MYO6: variants seen among roughly 807,000 people sequenced by gnomAD.
MYO6 encodes unconventional myosin-VI.
Under a neutral mutation model 178.7 loss-of-function variants are expected in MYO6, and 74 were observed. The observed-to-expected ratio is 0.41, with a 90% CI of 0.34 to 0.50. MYO6 has a LOEUF of 0.50. Among genes scored for constraint, MYO6 ranks in the 20% least tolerant of loss-of-function variants. The pLI is 0.09. For missense variants in MYO6, 1,330 were observed against 1,547.4 expected (o/e 0.86, Z 2.36); for synonymous variants, 477 against 504.6 (o/e 0.95, Z 0.73).
intron 1 of MYO6, among the ~76,000 whole-genome samples, chr6:75,771,297 C>T (rs1454468603): frequency 6.6e-6 from 1 of 152,188 alleles, no homozygotes; most frequent in African/African-American, 2.4e-5. Context: ...CCACTGCATC[C>T]AGCCCAGAAA....
At chr6:75,782,823 A>G (rs1767120333) in intron 1 of MYO6, among the ~76,000 whole-genome samples, 1 of 151,476 alleles carries the variant, frequency 6.6e-6, no homozygotes, top group Admixed American at 6.6e-5. Context: ...TTGTGGATGG[A>G]CCTCTCTGAA....
chr6:75,845,464 G>A (rs549990309), intron 10 of MYO6, among the ~76,000 whole-genome samples: 38 of 151,132 alleles, frequency 2.5e-4, no homozygotes, highest in Middle Eastern at 3.5e-3. Context: ...AGGCCAAGGC[G>A]GGAGGATCGT....
chr6:75,892,877 TTCA>T (rs1164844680), intron 28 of MYO6, among the ~76,000 whole-genome samples, 187 bp downstream of exon 28: 1 of 152,194 alleles, frequency 6.6e-6, no homozygotes, highest in African/African-American at 2.4e-5. Flanking sequence ...TAATTGATTT[TTCA>T]TCATATTATT....
chr6:75,761,254 T>C (rs1451863247), intron 1 of MYO6, among the ~76,000 whole-genome samples: 1 of 152,156 alleles, frequency 6.6e-6, no homozygotes, highest in Non-Finnish European at 1.5e-5. Context: ...AAACTAGTCA[T>C]CATGTATTCA....
intron 20 of MYO6, among the ~76,000 whole-genome samples, chr6:75,875,379 A>C (rs1777494297): frequency 1.3e-5 from 2 of 152,022 alleles, no homozygotes; most frequent in African/African-American, 4.8e-5. Flanking sequence ...GGCTCAAGTG[A>C]TCCTTCTGCT....
chr6:75,850,129 C>T (rs1775123722), intron 11 of MYO6, among the ~76,000 whole-genome samples: 1 of 152,004 alleles, frequency 6.6e-6, no homozygotes. Flanking sequence ...ATTATTCATC[C>T]AGGACCAAAG....
At chr6:75,790,860 G>A (rs565985690) in intron 1 of MYO6, among the ~76,000 whole-genome samples, 1 of 152,272 alleles carries the variant, frequency 6.6e-6, no homozygotes, top group South Asian at 2.1e-4. Flanking sequence ...ATGAAGAACA[G>A]ATGTAATTAT....
intron 1 of MYO6, among the ~76,000 whole-genome samples, chr6:75,802,986 A>G (rs1004434800): frequency 6.6e-6 from 1 of 152,222 alleles, no homozygotes; most frequent in Non-Finnish European, 1.5e-5. Flanking sequence ...TCTTAAAAAT[A>G]CAGGGCTTTT....
chr6:75,885,394 C>G (rs758577694), intron 23 of MYO6, among the ~76,000 whole-genome samples: 1 of 151,590 alleles, frequency 6.6e-6, no homozygotes, highest in Non-Finnish European at 1.5e-5. Flanking sequence ...ATTAGCCCAG[C>G]ATGGTGTGTG....
chr6:75,780,621 A>G (rs140515732), intron 1 of MYO6, among the ~76,000 whole-genome samples: 1 of 152,236 alleles, frequency 6.6e-6, no homozygotes, highest in African/African-American at 2.4e-5. Flanking sequence ...AAACTTTGTT[A>G]CAGGTTTTAA....
chr6:75,828,999 AC>A (rs2150207662), intron 4 of MYO6, among the ~76,000 whole-genome samples: 1 of 152,296 alleles, frequency 6.6e-6, no homozygotes, highest in South Asian at 2.1e-4. Context: ...TGTTTGGAAG[AC>A]AATGTAAGGC....
chr6:75,888,837 ATAATG>A (rs144730071), intron 25 of MYO6, among the ~76,000 whole-genome samples: 44 of 152,304 alleles, frequency 2.9e-4, no homozygotes, highest in African/African-American at 1.0e-3. Context: ...CATAGATACG[ATAATG>A]TAATTAATTT....
intron 23 of MYO6, among the ~76,000 whole-genome samples, chr6:75,883,090 A>G (rs1237435050): frequency 2.0e-5 from 3 of 152,216 alleles, no homozygotes; most frequent in African/African-American, 7.2e-5. Flanking sequence ...ATATACATAC[A>G]CAATGTTTAC....
rs1779483895 is a variant in MYO6 at position 75,898,518 on chromosome 6, T to C, written c.3176+107T>C. The C allele has an allele frequency of 8.9e-6, 8 of 897,374 alleles. No homozygotes were observed. In the Admixed American group the frequency reaches 1.3e-4, roughly 15 times the overall value. The allele number at this position is 897,374 out of a possible 1,614,324, so 55.6% of individuals were successfully genotyped here. On this transcript the variant is annotated intron_variant, in intron 30 of 34. Coordinates refer to ENST00000369977, the MANE Select transcript of MYO6 (RefSeq NM_004999.4). ...CCTGTTACATGAGTAGCCTAGTCTT[T>C]CTATGTAAAGTGATATTTCTTTCTG...
intron 1 of MYO6, among the ~76,000 whole-genome samples, chr6:75,780,029 T>A (rs191103108): frequency 2.6e-5 from 4 of 152,364 alleles, no homozygotes; most frequent in African/African-American, 9.6e-5. Context: ...GGATTCTGAC[T>A]GTCTTCATGG....
At chr6:75,824,765 T>TC (rs1293505818) in intron 3 of MYO6, among the ~76,000 whole-genome samples, 2 of 150,912 alleles carry the variant, frequency 1.3e-5, no homozygotes, top group African/African-American at 4.9e-5. Context: ...GGTCTAAATT[T>TC]TTTTTTTTTT....
At position 75,907,728 on chromosome 6, in the gene MYO6, C is replaced by A. The variant is rs1449233879; in HGVS notation, c.3280+20C>A. ...CTTGTGGTAAGTGTTTGGAGAAGAT[C>A]AAAAATAGAAAATGTTCATAGTGAT... On this transcript the variant is annotated intron_variant, in intron 31 of 34. Coordinates refer to ENST00000369977, the MANE Select transcript of MYO6 (RefSeq NM_004999.4). The A allele has an allele frequency of 6.3e-7, 1 of 1,577,392 alleles. No homozygotes were observed. Among genetic ancestry groups the A allele is most frequent in the Admixed American group, 1.7e-5 (1 of 59,814 alleles).
intron 1 of MYO6, among the ~76,000 whole-genome samples, chr6:75,767,394 ATAATAC>A (rs1778520640): frequency 6.6e-6 from 1 of 152,142 alleles, no homozygotes; most frequent in Non-Finnish European, 1.5e-5. Flanking sequence ...ATTCTGAATA[ATAATAC>A]ATATAAATAA....
chr6:75,858,965 A>G lies in MYO6; in HGVS notation c.1445A>G (p.Gln482Arg). 2 of 1,607,430 alleles carry G rather than the reference A, an allele frequency of 1.2e-6. No homozygotes were observed. The highest frequency in any genetic ancestry group is 1.1e-5 in the South Asian group (1 of 90,764). ...AACTATTGCAATGAAAAACTTCAAC[A>G]ATTTTTTAATGAAAGGATTCTGAAG... ...CINYCNEKLQQFFNERILKEE... is the reference protein window; with the variant it reads ...CINYCNEKLQRFFNERILKEE... The change falls in exon 14 of 35, where the codon CAA (glutamine) becomes CGA (arginine). Residue 482 changes from glutamine to arginine, a missense_variant. Coordinates refer to ENST00000369977, the MANE Select transcript of MYO6 (RefSeq NM_004999.4).
Sources: gnomAD v4.1 joint callset for allele counts (sites outside exome capture counted in the v4.1 genomes callset) on GRCh38, gnomAD v4.1.1 for gene constraint, MANE v1.5 for transcripts, NCBI Gene and HGNC (gene_info 2026-07-23, HGNC 2026-07-21) for gene names.